Variants in ARHGAP32 observed in about 807,000 individuals in gnomAD.
ARHGAP32 encodes the protein Rho GTPase activating protein 32.
ARHGAP32 carries 51 observed loss-of-function variants against 186.5 expected under a neutral mutation model. The observed-to-expected ratio is 0.27, with a 90% confidence interval of 0.22 to 0.35. ARHGAP32 has a LOEUF of 0.35. ARHGAP32 is among the 10% of genes least tolerant of loss of function. The pLI, the probability that ARHGAP32 is intolerant of heterozygous loss-of-function variation, is 1.00. For synonymous variants in ARHGAP32, 950 were observed against 964.3 expected, an observed-to-expected ratio of 0.99 and a Z score of 0.27; for missense variants, 2,186 against 2,623.5, an observed-to-expected ratio of 0.83 and a Z score of 3.64.
rs548364057 is a variant in ARHGAP32, at chr11:129,233,577, C to G, written c.-5+45569G>C. 4.6e-5 allele frequency among the ~76,000 whole-genome samples: 7 copies of G among 151,012 alleles called. No homozygotes were observed. The East Asian group carries it at 1.2e-3, about 25-fold the overall frequency. On this transcript the variant is annotated intron_variant, in intron 1 of 6. Transcript: ENST00000525234. ...AGAGAAGTCATGCACACATGCACAA[C>G]TGAACGTGTACAAGACTGATCAATG... is the stretch of plus-strand genomic sequence containing the variant.
chr11:129,048,479 ATT>A (rs11310706), intron 10 of ARHGAP32, among the ~76,000 whole-genome samples: 7 of 149,434 alleles, frequency 4.7e-5, no homozygotes, highest in Admixed American at 2.0e-4. Flanking sequence ...TAAAGTATCT[ATT>A]TTTTTTTTTC....
chr11:129,204,664 T>G (rs1474076875), intron 1 of ARHGAP32, among the ~76,000 whole-genome samples: 1 of 152,198 alleles, frequency 6.6e-6, no homozygotes, highest in Non-Finnish European at 1.5e-5. Flanking sequence ...TCCTCTGCTA[T>G]TTCTCAGAGA....
intron 1 of ARHGAP32, among the ~76,000 whole-genome samples, chr11:129,212,474 T>G (rs1944593591): frequency 6.6e-6 from 1 of 152,198 alleles, no homozygotes; most frequent in Non-Finnish European, 1.5e-5. Context: ...ACTTTTTTAT[T>G]CTGGAATTCT....
intron 1 of ARHGAP32, among the ~76,000 whole-genome samples, chr11:129,218,839 G>A (rs1298254394): frequency 1.3e-5 from 2 of 152,186 alleles, no homozygotes; most frequent in Non-Finnish European, 2.9e-5. Context: ...AGATTCTCCA[G>A]GAAGCAGACT....
chr11:128,988,029 C>G lies in ARHGAP32; in HGVS notation c.1292G>C (p.Arg431Thr). 1 of 1,610,392 alleles carries G rather than the reference C, an allele frequency of 6.2e-7. No homozygotes were observed. The highest frequency in any genetic ancestry group is 8.5e-7 in the Non-Finnish European group (1 of 1,176,916). ...GTGCCATATAAGATTTTACCGTAGT[C>G]TCTGGATATTGGAGGCAACACCAGA... Reference protein sequence around the residue: ...RLSGVASNIQRLRHEFDSEHV... With the variant: ...RLSGVASNIQTLRHEFDSEHV... Residue 431 changes from arginine to threonine, a missense_variant, in exon 13 of 23, where the codon AGA becomes ACA. Arg to Thr is a moderately conservative substitution (Grantham distance 71, BLOSUM62 -1). Around this residue, in one of 5 missense-constraint regions of ARHGAP32, gnomAD observed 308 missense variants for 596.5 expected, o/e 0.52. Transcript: ENST00000682385.
rs1943591424 is a variant in ARHGAP32, at chr11:129,164,375, G to A, written c.169C>T (p.His57Tyr). Residue 57 changes from histidine (H) to tyrosine (Y), a missense_variant, in exon 2 of 23, where the codon CAT becomes TAT. By Grantham distance (83) the His-to-Tyr change is moderately conservative. Around this residue, in one of 5 missense-constraint regions of ARHGAP32, gnomAD observed 108 missense variants for 116.8 expected, o/e 0.92. Coordinates refer to ENST00000682385, the MANE Select transcript of ARHGAP32 (RefSeq NM_001378024.1). ...CGCTCTCGAGGGTGTACATTTCTAT[G>A]TAGCTCTGGAACAAAATCATCTTCT... is the stretch of plus-strand genomic sequence containing the variant. Reference protein sequence around the residue: ...SEEDDFVPELHRNVHPRERPD... With the variant: ...SEEDDFVPELYRNVHPRERPD... 21 of 1,583,362 alleles carry A rather than the reference G, an allele frequency of 1.3e-5. No homozygotes were observed. Among genetic ancestry groups the A allele is most frequent in the Non-Finnish European group, 1.6e-5 (19 of 1,163,202 alleles).
chr11:129,118,843 A>C (rs908529286), intron 5 of ARHGAP32, among the ~76,000 whole-genome samples: 8 of 152,054 alleles, frequency 5.3e-5, no homozygotes, highest in African/African-American at 1.7e-4. Flanking sequence ...ACCAACAAAC[A>C]CAGATGCAGA....
At chr11:129,129,186 C>T (rs1172706016) in intron 2 of ARHGAP32, among the ~76,000 whole-genome samples, 1 of 141,334 alleles carries the variant, frequency 7.1e-6, no homozygotes, top group Non-Finnish European at 1.6e-5. Context: ...AGCCCCTCCG[C>T]CCGGCAGCCG....
chr11:129,258,831 A>T (rs28497910), intron 1 of ARHGAP32, among the ~76,000 whole-genome samples: 73 of 104,328 alleles, frequency 7.0e-4, no homozygotes, highest in African/African-American at 2.8e-3. Context: ...TTTAACACAT[A>T]CTGGAAAGTT....
rs1486889163 is a variant in ARHGAP32, at chr11:128,972,991, G to T, written c.3515C>A (p.Ser1172Tyr). Reference protein sequence around the residue: ...TGNQPHQAYLSGDPEKARITS... With the variant: ...TGNQPHQAYLYGDPEKARITS... ...AATTCTGGCCTTTTCTGGGTCCCCA[G>T]ATAAATATGCTTGATGTGGCTGATT... is the stretch of plus-strand genomic sequence containing the variant. The change falls in exon 22 of 23, where the codon TCT (serine) becomes TAT (tyrosine). Residue 1172 changes from serine to tyrosine, a missense_variant. Physicochemically the swap from Ser to Tyr is moderately radical, Grantham distance 144. This residue lies in a region of ARHGAP32 where 1,502 missense variants were observed against 1,570.0 expected (regional missense o/e 0.96). Coordinates refer to ENST00000682385, the MANE Select transcript of ARHGAP32 (RefSeq NM_001378024.1). 6 of 1,613,974 alleles carry T rather than the reference G, an allele frequency of 3.7e-6. No individual in the cohort carries two copies. Among genetic ancestry groups the T allele is most frequent in the Non-Finnish European group, 5.1e-6 (6 of 1,180,014 alleles).
At position 128,999,912 on chromosome 11, in the gene ARHGAP32, A is replaced by C. The variant is rs187846503; in HGVS notation, c.1046-1444T>G. ...TTTACTGTAATATATTACTTTGGAG[A>C]TCTTTATAATAAGTAAGACTTAAAA... On this transcript the variant is annotated intron_variant, in intron 11 of 22. Transcript: ENST00000682385. Among the ~76,000 whole-genome samples the C allele has an allele frequency of 9.8e-5, 15 of 152,300 alleles. No homozygotes were observed. In the East Asian group the frequency reaches 1.7e-3, roughly 18 times the overall value.
At position 128,974,489 on chromosome 11, in the gene ARHGAP32, T is replaced by C. The variant is rs367841782; in HGVS notation, c.2708A>G (p.Tyr903Cys). 4.3e-6 allele frequency: 7 copies of C among 1,614,198 alleles called. No individual in the cohort carries two copies. In the East Asian group the frequency reaches 1.1e-4, roughly 26 times the overall value. The change falls in exon 21 of 23, where the codon TAT becomes TGT. Residue 903 changes from tyrosine (Y) to cysteine (C), a missense_variant. Tyr to Cys is a radical substitution (Grantham distance 194, BLOSUM62 -2). Around this residue, in one of 5 missense-constraint regions of ARHGAP32, gnomAD observed 1,502 missense variants for 1,570.0 expected, o/e 0.96. Transcript: ENST00000682385. ...KPSSFTEKVV[Y>C]AFSPKIGRKL... ...CCGTCCTATCTTCGGAGAGAAAGCA[T>C]AGACGACCTTTTCAGTAAAGGAGGA...
intron 10 of ARHGAP32, among the ~76,000 whole-genome samples, 200 bp from the exon 11 acceptor site, chr11:129,041,209 T>C (rs903236932): frequency 6.6e-6 from 1 of 152,232 alleles, no homozygotes; most frequent in Admixed American, 6.5e-5. Flanking sequence ...AAGTTATCTG[T>C]TTTATTTGTC....
chr11:128,980,879 A>C, intron 17 of ARHGAP32, 131 bp from the exon 18 acceptor site: 1 of 633,092 alleles, frequency 1.6e-6, no homozygotes, highest in East Asian at 2.8e-5. Flanking sequence ...AATAGCAAAA[A>C]CCATAGTGCT....
At chr11:129,231,157 A>G (rs550304005) in intron 1 of ARHGAP32, among the ~76,000 whole-genome samples, 1 of 152,282 alleles carries the variant, frequency 6.6e-6, no homozygotes, top group African/African-American at 2.4e-5. Flanking sequence ...TTTAAATTTA[A>G]AAAGTAATTT....
chr11:128,995,462 G>A (rs780280286), intron 12 of ARHGAP32, among the ~76,000 whole-genome samples: 6 of 152,070 alleles, frequency 3.9e-5, no homozygotes, highest in South Asian at 2.1e-4. Context: ...CTCCTACCTT[G>A]GCCTCCCAAA....
intron 1 of ARHGAP32, 149 bp from the exon 2 acceptor site, chr11:129,164,576 C>T (rs1337532968): frequency 1.8e-6 from 1 of 567,972 alleles, no homozygotes. Context: ...TCCTTTATTT[C>T]TACTCTGGCT....
At chr11:129,184,254 A>G (rs1944111574) in intron 1 of ARHGAP32, among the ~76,000 whole-genome samples, 2 of 152,144 alleles carry the variant, frequency 1.3e-5, no homozygotes, top group African/African-American at 2.4e-5. Flanking sequence ...AGCCATATGC[A>G]TCATGGGGGC....
intron 1 of ARHGAP32, among the ~76,000 whole-genome samples, chr11:129,174,230 C>A (rs1338516056): frequency 6.6e-6 from 1 of 152,134 alleles, no homozygotes; most frequent in Admixed American, 6.5e-5. Flanking sequence ...TGCGCTTTTC[C>A]GACGGGCCTA....
Sources: gnomAD v4.1 joint callset for allele counts (sites outside exome capture counted in the v4.1 genomes callset) on GRCh38, gnomAD v4.1.1 for gene constraint, gnomAD v4.1.1 regional missense constraint, MANE v1.5 for transcripts, NCBI Gene and HGNC (gene_info 2026-07-23, HGNC 2026-07-21) for gene names.